PIWIL3: variants seen among roughly 807,000 people sequenced by gnomAD.
PIWIL3 encodes the protein piwi like RNA-mediated gene silencing 3.
PIWIL3 carries 101 observed loss-of-function variants against 109.7 expected under a neutral mutation model. The observed-to-expected ratio is 0.92, with a 90% CI of 0.78 to 1.09. PIWIL3 has a LOEUF of 1.09. Ranked by LOEUF, PIWIL3 falls within the 50% of genes least tolerant of loss-of-function variation. The probability of loss-of-function intolerance (pLI) is 0.00; values close to 1 mark genes in which losing one functional copy is unlikely to be tolerated. For synonymous variants in PIWIL3, 373 were observed against 376.4 expected (o/e 0.99, Z 0.10); for missense variants, 1,031 against 1,072.6 (o/e 0.96, Z 0.54).
At chr22:24,744,192 A>AAAAAAAAAAC (rs1924201000) in intron 12 of PIWIL3, among the ~76,000 whole-genome samples, 2 of 147,584 alleles carry the variant, frequency 1.4e-5, no homozygotes, top group African/African-American at 4.9e-5. Flanking sequence ...AAAAAAAAAA[A>AAAAAAAAAAC]AAAAAAAAAA....
At chr22:24,731,596 A>G (rs1230479996) in intron 14 of PIWIL3, among the ~76,000 whole-genome samples, 1 of 151,844 alleles carries the variant, frequency 6.6e-6, no homozygotes, top group Non-Finnish European at 1.5e-5. Flanking sequence ...GGTTGCAGTG[A>G]GCTGAGATCA....
At chr22:24,743,774 T>C (rs117109957) in intron 12 of PIWIL3, among the ~76,000 whole-genome samples, 1 of 152,214 alleles carries the variant, frequency 6.6e-6, no homozygotes, top group East Asian at 1.9e-4. Context: ...CTAGAACTTA[T>C]CCACGTAACT....
intron 1 of PIWIL3, among the ~76,000 whole-genome samples, chr22:24,765,858 A>G (rs9624590): frequency 0.2 from 30,018 of 150,216 alleles, 3,275 homozygotes; most frequent in Admixed American, 0.32. Context: ...AAAAATGGGG[A>G]AAAAAAGCAG....
At chr22:24,725,422 C>G (rs1380285213) in intron 17 of PIWIL3, 23 bp downstream of exon 17, 1 of 1,612,416 alleles carries the variant, frequency 6.2e-7, no homozygotes, top group Non-Finnish European at 8.5e-7. Context: ...TGTCGGGTTC[C>G]CCGACCGCTA....
intron 4 of PIWIL3, among the ~76,000 whole-genome samples, chr22:24,757,527 T>C (rs1199430063): frequency 1.4e-5 from 2 of 141,662 alleles, no homozygotes; most frequent in African/African-American, 5.2e-5. Flanking sequence ...AGCTCATTCC[T>C]GTAATCTCAG....
At chr22:24,767,127 T>A (rs1320609796) in intron 1 of PIWIL3, among the ~76,000 whole-genome samples, 1 of 151,084 alleles carries the variant, frequency 6.6e-6, no homozygotes, top group Non-Finnish European at 1.5e-5. Context: ...GGTGACAGAG[T>A]GAGACTCTGT....
intron 12 of PIWIL3, among the ~76,000 whole-genome samples, chr22:24,743,114 AC>A (rs924693834): frequency 2.6e-5 from 4 of 152,208 alleles, no homozygotes; most frequent in Non-Finnish European, 5.9e-5. Flanking sequence ...CAAATGGCCA[AC>A]ATGAAAACAT....
At chr22:24,758,139 G>A in intron 3 of PIWIL3, 100 bp from the exon 4 acceptor site, 1 of 1,335,620 alleles carries the variant, frequency 7.5e-7, no homozygotes, top group Non-Finnish European at 1.0e-6. Context: ...TAGAAAAGAT[G>A]CCACCCAAGG....
intron 12 of PIWIL3, among the ~76,000 whole-genome samples, chr22:24,739,589 T>G (rs1332553321): frequency 2.0e-5 from 3 of 151,710 alleles, no homozygotes; most frequent in African/African-American, 4.8e-5. Context: ...ATATACCCAG[T>G]AAAAATATCC....
chr22:24,748,467 A>G (rs1924499764), intron 12 of PIWIL3, among the ~76,000 whole-genome samples: 1 of 152,212 alleles, frequency 6.6e-6, no homozygotes, highest in Non-Finnish European at 1.5e-5. Flanking sequence ...TTGAGGGGAT[A>G]GATACCCCAC....
intron 16 of PIWIL3, among the ~76,000 whole-genome samples, chr22:24,726,339 G>A (rs1488478349): frequency 1.3e-5 from 2 of 151,150 alleles, no homozygotes; most frequent in Admixed American, 6.6e-5. Context: ...CTGGAGTGCA[G>A]TGGCGTGATC....
At chr22:24,770,386 T>C (rs1406495947) in intron 1 of PIWIL3, among the ~76,000 whole-genome samples, 1 of 152,250 alleles carries the variant, frequency 6.6e-6, no homozygotes, top group Non-Finnish European at 1.5e-5. Context: ...TTAACTATTT[T>C]TATTTTAATT....
chr22:24,745,999 C>G (rs937584778), intron 12 of PIWIL3, among the ~76,000 whole-genome samples: 1 of 152,096 alleles, frequency 6.6e-6, no homozygotes, highest in African/African-American at 2.4e-5. Flanking sequence ...AGGACCTGAT[C>G]GCTTCACTGC....
At chr22:24,765,852 AT>A (rs1047004936) in intron 1 of PIWIL3, among the ~76,000 whole-genome samples, 12 of 150,766 alleles carry the variant, frequency 8.0e-5, no homozygotes, top group East Asian at 1.9e-4. Context: ...TGTGTAAAAA[AT>A]GGGGAAAAAA....
At chr22:24,735,008 C>T (rs1402949977) in intron 13 of PIWIL3, among the ~76,000 whole-genome samples, 1 of 151,474 alleles carries the variant, frequency 6.6e-6, no homozygotes, top group Non-Finnish European at 1.5e-5. Flanking sequence ...AACTAGATGA[C>T]ATTCTAAAAA....
rs191388762 is a variant in PIWIL3 at position 24,719,508 on chromosome 22, C to A, written c.2586G>T (p.Pro862=). ...AGAGACGAGTTGACAAGGAACGATT[C>A]GGTTCCTGGTGAATGGACTGCCCCA... ...YLVGQSIHQE[P]NRSLSTRLFY... is the part of the protein sequence containing the mutation. The change falls in exon 21 of 21, where the codon CCG becomes CCT. Residue 862 remains proline, a synonymous_variant. Coordinates refer to ENST00000616349, the MANE Select transcript of PIWIL3 (RefSeq NM_001255975.1). 2.5e-6 allele frequency: 4 copies of A among 1,602,650 alleles called. No homozygotes were observed. Among genetic ancestry groups the A allele is most frequent in the Non-Finnish European group, 3.4e-6 (4 of 1,176,114 alleles).
chr22:24,771,878 T>A (rs1270876195), intron 1 of PIWIL3, among the ~76,000 whole-genome samples: 6 of 152,146 alleles, frequency 3.9e-5, no homozygotes, highest in Non-Finnish European at 8.8e-5. Context: ...GTATCGTTAG[T>A]AGAGACGGGG....
At chr22:24,765,818 G>A (rs1277269466) in intron 1 of PIWIL3, among the ~76,000 whole-genome samples, 1 of 151,558 alleles carries the variant, frequency 6.6e-6, no homozygotes, top group African/African-American at 2.4e-5. Flanking sequence ...AAGATTTTAG[G>A]GCTTTTATTT....
chr22:24,759,795 A>T, intron 3 of PIWIL3, 74 bp downstream of exon 3: 3 of 1,603,180 alleles, frequency 1.9e-6, no homozygotes, highest in Non-Finnish European at 2.6e-6. Context: ...GCTATCTAGA[A>T]CCTTCTACCG....
Sources: allele counts gnomAD v4.1 joint callset (sites outside exome capture counted in the v4.1 genomes callset), GRCh38; gene constraint gnomAD v4.1.1; transcripts MANE v1.5; gene names NCBI Gene and HGNC (gene_info 2026-07-23, HGNC 2026-07-21).